The following FMN1 variants were observed in gnomAD, a reference collection of about 807,000 sequenced individuals.
FMN1 encodes formin 1.
In FMN1, 110 loss-of-function variants were observed where a neutral mutation model predicts 132.4. That is an observed-to-expected ratio of 0.83 (90% CI 0.71 to 0.97). FMN1 has a LOEUF of 0.97. Among genes scored for constraint, FMN1 ranks in the 50% least tolerant of loss-of-function variants. The pLI, the probability that FMN1 is intolerant of heterozygous loss-of-function variation, is 0.00. For missense variants in FMN1, 1,792 were observed against 1,705.3 expected (o/e 1.05, Z -0.90); for synonymous variants, 722 against 651.7 (o/e 1.11, Z -1.64).
intron 2 of FMN1, among the ~76,000 whole-genome samples, chr15:33,182,797 T>C (rs182167286): frequency 1.0e-3 from 158 of 152,204 alleles, no homozygotes; most frequent in African/African-American, 3.2e-3. Flanking sequence ...AGGAAAAAAA[T>C]TTATTCCTTT....
At chr15:33,127,693 AC>A in intron 4 of FMN1, among the ~76,000 whole-genome samples, 1 of 152,300 alleles carries the variant, frequency 6.6e-6, no homozygotes, top group Non-Finnish European at 1.5e-5. Flanking sequence ...CCCTCTTTGG[AC>A]GTAAGCTATG....
chr15:33,007,732 C>A (rs565197884), intron 7 of FMN1, among the ~76,000 whole-genome samples: 1 of 152,272 alleles, frequency 6.6e-6, no homozygotes, highest in African/African-American at 2.4e-5. Context: ...TATATAACAG[C>A]AGAAGTCTAT....
At chr15:32,952,128 G>T (rs1184485972) in intron 9 of FMN1, among the ~76,000 whole-genome samples, 1 of 152,160 alleles carries the variant, frequency 6.6e-6, no homozygotes, top group Non-Finnish European at 1.5e-5. Context: ...CTGAATGGCT[G>T]GGTTTTATAG....
chr15:32,886,228 C>T (rs2059894272), intron 16 of FMN1, among the ~76,000 whole-genome samples: 1 of 152,162 alleles, frequency 6.6e-6, no homozygotes, highest in Non-Finnish European at 1.5e-5. Context: ...ATTAGCAGGG[C>T]ATTTTTGTTT....
In FMN1 at chr15:33,020,995, T is replaced by C. The variant is rs556120699; in HGVS notation, c.2162-12920A>G. 4.6e-5 allele frequency among the ~76,000 whole-genome samples: 7 copies of C among 152,350 alleles called. No homozygotes were observed. The East Asian group carries it at 1.2e-3, about 25-fold the overall frequency. On this transcript the variant is annotated intron_variant, in intron 6 of 20. Transcript: ENST00000616417. ...TTCCTATGGCTTTAAGCCTTGGCCA[T>C]ATGACTTGTTTTGGCTAGTGGAATA...
At position 33,155,048 on chromosome 15, in the gene FMN1, G is replaced by A. The variant is rs911923793; in HGVS notation, c.-131-3C>T. ...GTCATCTCCAGCAATGAGACTGCCT[G>A]TTAGAGGAACAGGGGAAGAAAGCAG... On this transcript the variant is annotated splice_region_variant and splice_polypyrimidine_tract_variant and intron_variant, in intron 3 of 20. Coordinates refer to ENST00000616417, the MANE Select transcript of FMN1 (RefSeq NM_001277313.2). 25 of 664,866 alleles carry A rather than the reference G, an allele frequency of 3.8e-5. No individual in the cohort carries two copies. The highest frequency in any genetic ancestry group is 3.5e-4 in the Admixed American group (12 of 33,918). 41.2% of individuals were successfully genotyped at this position (664,866 alleles called of 1,614,324 possible).
chr15:32,870,130 C>T (rs1047550693), intron 16 of FMN1, among the ~76,000 whole-genome samples: 2 of 152,112 alleles, frequency 1.3e-5, no homozygotes, highest in Non-Finnish European at 2.9e-5. Context: ...TTCTTATCTG[C>T]CTGGGATGTT....
intron 9 of FMN1, among the ~76,000 whole-genome samples, chr15:32,949,966 C>CACATATATATATATATAT: frequency 1.4e-4 from 1 of 7,404 alleles, no homozygotes; most frequent in African/African-American, 4.9e-4. Flanking sequence ...TATATATATA[C>CACATATATATATATATAT]ACACATATAT....
intron 4 of FMN1, chr15:33,106,012 TC>T (rs1439218739): frequency 2.6e-5 from 4 of 152,144 alleles, no homozygotes; most frequent in African/African-American, 9.6e-5. Context: ...TGGCTGTCCA[TC>T]CCATGATTGT....
chr15:33,180,818 C>T (rs1209021360), intron 2 of FMN1, among the ~76,000 whole-genome samples: 3 of 146,772 alleles, frequency 2.0e-5, no homozygotes, highest in African/African-American at 5.1e-5. Flanking sequence ...GGTATGATCA[C>T]GGCTCACTGC....
At chr15:32,884,366 G>A (rs2059844718) in intron 16 of FMN1, among the ~76,000 whole-genome samples, 1 of 152,102 alleles carries the variant, frequency 6.6e-6, no homozygotes, top group Non-Finnish European at 1.5e-5. Context: ...TTCAAAGCCA[G>A]CGACATTACA....
At chr15:33,091,834 T>C (rs955418677) in intron 4 of FMN1, among the ~76,000 whole-genome samples, 4 of 152,242 alleles carry the variant, frequency 2.6e-5, no homozygotes, top group Non-Finnish European at 4.4e-5. Context: ...TGAAATTAGA[T>C]AAATATATTC....
rs1334722459 is a variant in FMN1, at chr15:32,968,949, TTGAAGGTGGAGG to T, written c.2740_2751del (p.Pro914_Ser917del). ...GGTGGGGGTGGTGGAGGTCCAGCACTTGAAGGTGGAGGTAGAGGTGGCGGTGGAGGAGGCGGA... is the reference window on the plus strand; with the variant it reads ...GGTGGGGGTGGTGGAGGTCCAGCACTTAGAGGTGGCGGTGGAGGAGGCGGA... On this transcript the variant is annotated inframe_deletion, in exon 8 of 21. Transcript: ENST00000616417. 1.1e-6 allele frequency: 1 copy of T among 873,542 alleles called. No homozygotes were observed. The highest frequency in any genetic ancestry group is 1.8e-6 in the Non-Finnish European group (1 of 565,012). The allele number at this position is 873,542 out of a possible 1,614,324, so 54.1% of individuals were successfully genotyped here.
At chr15:32,798,467 G>A (rs568803217) in intron 19 of FMN1, among the ~76,000 whole-genome samples, 11 of 152,254 alleles carry the variant, frequency 7.2e-5, no homozygotes, top group Non-Finnish European at 1.0e-4. Context: ...TACTGTCTGC[G>A]ACAGCAAGGC....
In FMN1 at chr15:32,950,411, C is replaced by T. The variant is rs567960220; in HGVS notation, c.3138+13696G>A. Among the ~76,000 whole-genome samples, 8 of 152,062 alleles carry T rather than the reference C, an allele frequency of 5.3e-5. No homozygotes were observed. The East Asian group carries it at 1.6e-3, about 29-fold the overall frequency. The stretch of plus-strand genomic sequence containing the variant: ...TGTATGTTCATTAAAACACCATTCA[C>T]AATAGCAAAGACATGGAATCAACCT... On this transcript the variant is annotated intron_variant, in intron 9 of 20. Transcript: ENST00000616417.
chr15:32,976,041 T>C (rs530414447), intron 7 of FMN1, among the ~76,000 whole-genome samples: 161 of 152,274 alleles, frequency 1.1e-3, no homozygotes, highest in Admixed American at 1.9e-3. Context: ...AGACATCGTG[T>C]TGGTGCCAAG....
chr15:32,766,912 A>G lies in FMN1; in HGVS notation c.*7398T>C, dbSNP rs1401933082. 6.6e-6 allele frequency: 1 copy of G among 152,280 alleles called. No homozygotes were observed. Among genetic ancestry groups the G allele is most frequent in the Non-Finnish European group, 1.5e-5 (1 of 68,076 alleles). 9.4% of individuals were successfully genotyped at this position (152,280 alleles called of 1,614,324 possible). On this transcript the variant is annotated 3_prime_UTR_variant, in exon 21 of 21. Coordinates refer to ENST00000616417, the MANE Select transcript of FMN1 (RefSeq NM_001277313.2). ...AAGTGAAACAAAGCTAGAAGTCAAA[A>G]TGACTTTTGAACAGGCATGGAGTAA...
intron 4 of FMN1, among the ~76,000 whole-genome samples, chr15:33,116,569 T>A (rs1247700113): frequency 6.6e-6 from 1 of 152,180 alleles, no homozygotes; most frequent in African/African-American, 2.4e-5. Flanking sequence ...AAATTTAGTT[T>A]GTCGAAAGTT....
At position 33,018,316 on chromosome 15, in the gene FMN1, T is replaced by C. The variant is rs561596668; in HGVS notation, c.2162-10241A>G. On this transcript the variant is annotated intron_variant, in intron 6 of 20. Transcript: ENST00000616417. ...TGATCGACCAATAACTGGAAGCCTT[T>C]AGGTAGCTTCAGGATGGGGGCAGGA... 1.7e-3 allele frequency among the ~76,000 whole-genome samples: 261 copies of C among 152,206 alleles called. 3 individuals carry two copies. The highest frequency in any genetic ancestry group is 6.1e-3 in the African/African-American group (253 of 41,526).
Sources: allele counts gnomAD v4.1 joint callset (sites outside exome capture counted in the v4.1 genomes callset), GRCh38; gene constraint gnomAD v4.1.1; transcripts MANE v1.5; gene names NCBI Gene and HGNC (gene_info 2026-07-23, HGNC 2026-07-21).